The following KIF6 variants were observed in gnomAD, a reference collection of about 807,000 sequenced individuals.
KIF6 encodes the protein kinesin-like protein KIF6.
Under a neutral mutation model 112.7 loss-of-function variants are expected in KIF6, and 106 were observed. That is an observed-to-expected ratio of 0.94 (90% CI 0.80 to 1.11). KIF6 has a LOEUF of 1.11. Among genes scored for constraint, KIF6 ranks in the 50% least tolerant of loss-of-function variants. KIF6 has a pLI of 0.00. For synonymous variants in KIF6, 339 were observed against 339.9 expected (o/e 1.00, Z 0.03); for missense variants, 929 against 964.0 (o/e 0.96, Z 0.48).
intron 6 of KIF6, among the ~76,000 whole-genome samples, chr6:39,606,568 C>T (rs1782901882): frequency 6.6e-6 from 1 of 152,114 alleles, no homozygotes; most frequent in Non-Finnish European, 1.5e-5. Context: ...TACATTACAT[C>T]TGTTATGTCT....
At chr6:39,341,006 C>T (rs193241248) in intron 22 of KIF6, among the ~76,000 whole-genome samples, 123 of 152,228 alleles carry the variant, frequency 8.1e-4, no homozygotes, top group African/African-American at 2.9e-3. Flanking sequence ...GTTTTTCCTG[C>T]AGCTCTGCTC....
At chr6:39,489,013 T>C (rs1031468726) in intron 13 of KIF6, among the ~76,000 whole-genome samples, 4 of 152,220 alleles carry the variant, frequency 2.6e-5, no homozygotes, top group Non-Finnish European at 5.9e-5. Flanking sequence ...CTGACTGTGA[T>C]ATCCCTATTT....
At position 39,477,078 on chromosome 6, in the gene KIF6, G is replaced by A. The variant is rs186253156; in HGVS notation, c.1646-45917C>T. Among the ~76,000 whole-genome samples the A allele has an allele frequency of 3.9e-3, 588 of 152,262 alleles. 1 individual carries two copies. Among genetic ancestry groups the A allele is most frequent in the African/African-American group, 0.013 (559 of 41,536 alleles). On this transcript the variant is annotated intron_variant, in intron 13 of 22. Coordinates refer to ENST00000287152, the MANE Select transcript of KIF6 (RefSeq NM_145027.6). ...TGAAGTCAGTCCCCTCAGTTAAAGAGTTTAAAATACACTGGGCCCATAAAC... is the reference window on the plus strand; with the variant it reads ...TGAAGTCAGTCCCCTCAGTTAAAGAATTTAAAATACACTGGGCCCATAAAC...
At chr6:39,718,987 A>G (rs752371227) in intron 2 of KIF6, among the ~76,000 whole-genome samples, 45 of 152,150 alleles carry the variant, frequency 3.0e-4, no homozygotes, top group Non-Finnish European at 5.7e-4. Flanking sequence ...ACCAAGGAGA[A>G]ATTCTTTATG....
At chr6:39,697,044 T>G (rs901468281) in intron 3 of KIF6, among the ~76,000 whole-genome samples, 4 of 152,176 alleles carry the variant, frequency 2.6e-5, no homozygotes, top group Admixed American at 6.6e-5. Context: ...CTGAAATATC[T>G]CCTAGGTATC....
At position 39,331,673 on chromosome 6, in the gene KIF6, A is replaced by T. The variant is rs140847827; in HGVS notation, c.*4859T>A. On this transcript the variant is annotated 3_prime_UTR_variant, in exon 23 of 23. Coordinates refer to ENST00000287152, the MANE Select transcript of KIF6 (RefSeq NM_145027.6). ...GTTGGGATTACAGGCGTGAGCCACC[A>T]TGCCTGGCTTGTCCCTCTCCTTCGT... 1 of 152,322 alleles carries T rather than the reference A, an allele frequency of 6.6e-6. No homozygotes were observed. The highest frequency in any genetic ancestry group is 1.5e-5 in the Non-Finnish European group (1 of 68,034). 9.4% of individuals were successfully genotyped at this position (152,322 alleles called of 1,614,324 possible). A position where few individuals can be genotyped will look rare whatever the true frequency, so the allele number is the denominator to read the frequency against.
At chr6:39,707,439 C>T (rs1452743268) in intron 3 of KIF6, among the ~76,000 whole-genome samples, 1 of 152,166 alleles carries the variant, frequency 6.6e-6, no homozygotes, top group Non-Finnish European at 1.5e-5. Context: ...TTCTGGGTGT[C>T]TGGTTTCTCC....
chr6:39,655,725 A>G (rs796792713), intron 3 of KIF6, among the ~76,000 whole-genome samples: 2 of 152,272 alleles, frequency 1.3e-5, no homozygotes, highest in African/African-American at 4.8e-5. Flanking sequence ...AAGTTCTCAT[A>G]TATACATGGG....
intron 6 of KIF6, among the ~76,000 whole-genome samples, chr6:39,603,128 T>C (rs982213698): frequency 6.6e-6 from 1 of 152,178 alleles, no homozygotes. Flanking sequence ...TCCACTGGGC[T>C]ACAAGTGAGT....
chr6:39,692,117 G>C (rs160021), intron 3 of KIF6, among the ~76,000 whole-genome samples: 132,074 of 152,226 alleles, frequency 0.87, 57,594 homozygotes, highest in East Asian at 0.97. Context: ...CCACTGCACT[G>C]CAGCCTGGCA....
At chr6:39,445,967 C>A (rs143602002) in intron 13 of KIF6, among the ~76,000 whole-genome samples, 1 of 152,204 alleles carries the variant, frequency 6.6e-6, no homozygotes. Context: ...CAGGCAGAGA[C>A]CCAATGAAGT....
At chr6:39,435,973 T>C (rs1382000330) in intron 13 of KIF6, among the ~76,000 whole-genome samples, 2 of 152,184 alleles carry the variant, frequency 1.3e-5, no homozygotes, top group Non-Finnish European at 2.9e-5. Context: ...AATTTACAGT[T>C]CCACTAGCAG....
chr6:39,676,537 A>G (rs1302977402), intron 3 of KIF6, among the ~76,000 whole-genome samples: 1 of 152,186 alleles, frequency 6.6e-6, no homozygotes, highest in African/African-American at 2.4e-5. Context: ...ACGGGGAATA[A>G]GCTAAACATG....
chr6:39,347,248 T>A (rs1763876958), intron 19 of KIF6, among the ~76,000 whole-genome samples: 1 of 152,186 alleles, frequency 6.6e-6, no homozygotes, highest in South Asian at 2.1e-4. Flanking sequence ...TCAGCCACAA[T>A]GCCTTCTAAC....
chr6:39,382,415 C>T (rs1443460776), intron 16 of KIF6, among the ~76,000 whole-genome samples: 8 of 152,022 alleles, frequency 5.3e-5, no homozygotes, highest in South Asian at 2.1e-4. Flanking sequence ...TGAGAACATG[C>T]GGTATATGGT....
chr6:39,583,479 TC>T, intron 9 of KIF6: 1 of 471,576 alleles, frequency 2.1e-6, no homozygotes, highest in South Asian at 1.5e-5. Context: ...CTTGGTGCTT[TC>T]TGAGGCAAGA....
chr6:39,404,207 G>C (rs1304077768), intron 15 of KIF6, among the ~76,000 whole-genome samples: 1 of 151,852 alleles, frequency 6.6e-6, no homozygotes. Context: ...AATTTTATTG[G>C]TTGTACTTTT....
intron 3 of KIF6, among the ~76,000 whole-genome samples, chr6:39,688,279 G>A (rs1484695267): frequency 6.6e-6 from 1 of 152,170 alleles, no homozygotes; most frequent in African/African-American, 2.4e-5. Flanking sequence ...ACACAGGTCA[G>A]CCTACCAGGA....
intron 20 of KIF6, among the ~76,000 whole-genome samples, chr6:39,346,085 T>TCTCTCCCTCTCTCC (rs1212794740): frequency 4.6e-5 from 1 of 21,598 alleles, no homozygotes; most frequent in Admixed American, 6.3e-4. Flanking sequence ...TCTCTCTCTC[T>TCTCTCCCTCTCTCC]CCCCCCCCTC....
Sources: gnomAD v4.1 joint callset for allele counts (sites outside exome capture counted in the v4.1 genomes callset) on GRCh38, gnomAD v4.1.1 for gene constraint, MANE v1.5 for transcripts, NCBI Gene and HGNC (gene_info 2026-07-23, HGNC 2026-07-21) for gene names.